NCOA2: variants seen among roughly 807,000 people sequenced by gnomAD.
NCOA2 encodes nuclear receptor coactivator 2.
NCOA2 carries 21 observed loss-of-function variants against 145.1 expected under a neutral mutation model. The ratio of observed to expected loss-of-function variants is 0.14; its 90% CI spans 0.10 to 0.21. The LOEUF is 0.21. NCOA2 is among the 10% of genes least tolerant of loss of function. The pLI is 1.00. For missense variants in NCOA2, 1,472 were observed against 1,837.6 expected, an observed-to-expected ratio of 0.80 and a Z score of 3.64; for synonymous variants, 619 against 637.5, an observed-to-expected ratio of 0.97 and a Z score of 0.44.
intron 4 of NCOA2, among the ~76,000 whole-genome samples, chr8:70,203,425 T>G (rs1363836106): frequency 1.3e-5 from 2 of 152,070 alleles, no homozygotes; most frequent in African/African-American, 4.8e-5. Flanking sequence ...AGGATCGTTC[T>G]TATTGATTTG....
chr8:70,405,246 A>T (rs1178472781), upstream of NCOA2, among the ~76,000 whole-genome samples: 3 of 151,686 alleles, frequency 2.0e-5, no homozygotes, highest in South Asian at 2.1e-4. Flanking sequence ...GGAAAAGAAT[A>T]AAAAAAATGT....
upstream of NCOA2, among the ~76,000 whole-genome samples, chr8:70,405,740 A>G (rs2131899153): frequency 6.6e-6 from 1 of 152,290 alleles, no homozygotes; most frequent in African/African-American, 2.4e-5. Context: ...ATTTTGGCAG[A>G]AGTCCAGAGT....
At chr8:70,415,149 T>C in the NCOA2 span, among the ~76,000 whole-genome samples, 7 of 151,958 alleles carry the variant, frequency 4.6e-5, no homozygotes, top group African/African-American at 1.7e-4. Context: ...ACAAAAAACT[T>C]TCTTCAAAAT....
At chr8:70,163,941 T>C (rs552056199) in intron 7 of NCOA2, among the ~76,000 whole-genome samples, 13 of 152,332 alleles carry the variant, frequency 8.5e-5, no homozygotes, top group African/African-American at 2.2e-4. Context: ...TAATTTGTAA[T>C]GAAGTACAAA....
Position 70,167,531 on chromosome 8 carries a change from CT to C in NCOA2, c.542-778del, listed in dbSNP as rs367739980. 9.1e-4 allele frequency among the ~76,000 whole-genome samples: 139 copies of C among 152,282 alleles called. 4 individuals carry two copies. In the South Asian group the frequency reaches 0.028, roughly 31 times the overall value. ...ATACTGCCTCCTTGGGCAGATTTTT[CT>C]TTTCTCAAATTTTACAGAAACTTTA... On this transcript the variant is annotated intron_variant, in intron 6 of 22. Coordinates refer to ENST00000452400, the MANE Select transcript of NCOA2 (RefSeq NM_006540.4).
the NCOA2 span, among the ~76,000 whole-genome samples, chr8:70,452,320 G>T: frequency 1.3e-5 from 2 of 152,096 alleles, no homozygotes; most frequent in South Asian, 4.1e-4. Flanking sequence ...ATAAAAAGTG[G>T]CCAATGAGCA....
upstream of NCOA2, among the ~76,000 whole-genome samples, chr8:70,404,947 TATA>T (rs1198471433): frequency 3.9e-5 from 6 of 152,350 alleles, no homozygotes; most frequent in African/African-American, 7.2e-5. Context: ...ATTTTAATCT[TATA>T]ATGAGAAAGG....
At chr8:70,241,822 TG>T (rs1822160605) in intron 2 of NCOA2, among the ~76,000 whole-genome samples, 1 of 152,176 alleles carries the variant, frequency 6.6e-6, no homozygotes, top group Admixed American at 6.6e-5. Flanking sequence ...GGACCTGGCA[TG>T]TAAGTTCTAC....
At chr8:70,449,372 G>A in the NCOA2 span, among the ~76,000 whole-genome samples, 2 of 152,154 alleles carry the variant, frequency 1.3e-5, no homozygotes, top group Non-Finnish European at 2.9e-5. Flanking sequence ...TAAACAGATG[G>A]CACATTCAAA....
Position 70,141,188 on chromosome 8 carries a change from A to G in NCOA2, c.3024T>C (p.Asn1008=). The change falls in exon 14 of 23, where the codon AAT becomes AAC. Residue 1008 remains asparagine (N), a synonymous_variant. Coordinates refer to ENST00000452400, the MANE Select transcript of NCOA2 (RefSeq NM_006540.4). ...QRQTLQSQVM[N]IGPSELEMNM... is the part of the protein sequence containing the mutation. Reference sequence around the variant, plus strand: ...ACAGCACTAGAGCCACCTTACCTATATTCATGACCTGAGACTGAAGCGTCT... The same window carrying G: ...ACAGCACTAGAGCCACCTTACCTATGTTCATGACCTGAGACTGAAGCGTCT... The G allele has an allele frequency of 6.2e-7, 1 of 1,613,394 alleles. No homozygotes were observed. The highest frequency in any genetic ancestry group is 8.5e-7 in the Non-Finnish European group (1 of 1,179,672).
At chr8:70,203,298 A>G (rs1274614887) in intron 4 of NCOA2, among the ~76,000 whole-genome samples, 1 of 151,458 alleles carries the variant, frequency 6.6e-6, no homozygotes, top group Non-Finnish European at 1.5e-5. Context: ...AAATAGTTGC[A>G]TGTGTAATTT....
intron 4 of NCOA2, 128 bp from the exon 5 acceptor site, chr8:70,174,987 A>G (rs1343846168): frequency 1.3e-6 from 1 of 795,438 alleles, no homozygotes; most frequent in South Asian, 1.6e-5. Flanking sequence ...AAAGAGTTAC[A>G]GTACATCCCT....
chr8:70,432,795 A>G, the NCOA2 span, among the ~76,000 whole-genome samples: 994 of 152,312 alleles, frequency 6.5e-3, 8 homozygotes, highest in African/African-American at 0.022. Flanking sequence ...TCATGCTTAT[A>G]TGTATTTTTA....
At chr8:70,261,077 T>C (rs546901094) in intron 2 of NCOA2, among the ~76,000 whole-genome samples, 102 of 152,308 alleles carry the variant, frequency 6.7e-4, no homozygotes, top group African/African-American at 2.4e-3. Flanking sequence ...GGAAATACCA[T>C]TTGACCCAGC....
intron 1 of NCOA2, among the ~76,000 whole-genome samples, chr8:70,371,162 G>A (rs527319063): frequency 1.3e-3 from 195 of 152,038 alleles, no homozygotes; most frequent in Non-Finnish European, 1.7e-3. Flanking sequence ...GGTGGCAGGC[G>A]CCTATAGTCC....
intron 1 of NCOA2, among the ~76,000 whole-genome samples, chr8:70,335,880 C>T (rs990823675): frequency 7.2e-5 from 11 of 152,008 alleles, no homozygotes; most frequent in Non-Finnish European, 1.0e-4. Flanking sequence ...GCCATTGTAC[C>T]GAATACTGTG....
chr8:70,314,361 C>A (rs892511794), intron 1 of NCOA2, among the ~76,000 whole-genome samples: 9 of 151,856 alleles, frequency 5.9e-5, no homozygotes, highest in Non-Finnish European at 7.4e-5. Context: ...ATAAAGTGAC[C>A]TCTCTGCAAG....
At chr8:70,358,967 A>G (rs556421505) in intron 1 of NCOA2, among the ~76,000 whole-genome samples, 1 of 152,382 alleles carries the variant, frequency 6.6e-6, no homozygotes, top group Admixed American at 6.5e-5. Flanking sequence ...CAATAAGCAC[A>G]TGAAAGATGT....
intron 4 of NCOA2, among the ~76,000 whole-genome samples, chr8:70,180,356 C>T (rs1455953461): frequency 6.6e-6 from 1 of 152,074 alleles, no homozygotes; most frequent in African/African-American, 2.4e-5. Flanking sequence ...AACAGCAATC[C>T]CTCACAATCT....
Sources: allele counts gnomAD v4.1 joint callset (sites outside exome capture counted in the v4.1 genomes callset), GRCh38; gene constraint gnomAD v4.1.1; transcripts MANE v1.5; gene names NCBI Gene and HGNC (gene_info 2026-07-23, HGNC 2026-07-21).